Variants in THSD7B observed in about 807,000 individuals in gnomAD.
THSD7B encodes thrombospondin type 1 domain containing 7B, also known as thrombospondin type-1 domain-containing protein 7B.
THSD7B carries 138 observed loss-of-function variants against 213.6 expected under a neutral mutation model. The ratio of observed to expected loss-of-function variants is 0.65; its 90% CI spans 0.56 to 0.74. The LOEUF (loss-of-function observed/expected upper bound fraction) is 0.74. Among genes scored for constraint, THSD7B ranks in the 30% least tolerant of loss-of-function variants. The pLI is 0.00. For missense variants in THSD7B, 1,931 were observed against 1,991.5 expected (o/e 0.97, Z 0.58); for synonymous variants, 742 against 687.0 (o/e 1.08, Z -1.25).
chr2:137,650,760 T>G (rs1008698998), intron 21 of THSD7B, among the ~76,000 whole-genome samples: 4 of 152,178 alleles, frequency 2.6e-5, no homozygotes, highest in South Asian at 2.1e-4. Context: ...TTTTTCCTTC[T>G]GTATCTAATT....
At chr2:136,997,699 T>C (rs975190133) in intron 2 of THSD7B, among the ~76,000 whole-genome samples, 10 of 152,128 alleles carry the variant, frequency 6.6e-5, no homozygotes, top group African/African-American at 2.2e-4. Flanking sequence ...CCTCCAGTTA[T>C]TGGAAAGTGA....
intron 2 of THSD7B, among the ~76,000 whole-genome samples, chr2:136,910,482 GTGT>G (rs1684238342): frequency 1.3e-5 from 2 of 152,160 alleles, no homozygotes; most frequent in African/African-American, 4.8e-5. Flanking sequence ...TTTAAAAAAT[GTGT>G]TGTTTTCTAA....
At chr2:136,793,361 T>G (rs993581979) in intron 1 of THSD7B, among the ~76,000 whole-genome samples, 3 of 152,054 alleles carry the variant, frequency 2.0e-5, no homozygotes, top group African/African-American at 7.2e-5. Flanking sequence ...CATGGCTTAT[T>G]TTCCATTGGT....
rs191981256 is a variant in THSD7B at position 137,673,719 on chromosome 2, G to A, written c.4740-2805G>A. 3.4e-3 allele frequency among the ~76,000 whole-genome samples: 523 copies of A among 152,176 alleles called. 3 individuals are homozygous for A. The highest frequency in any genetic ancestry group is 5.6e-3 in the Non-Finnish European group (380 of 67,994). Reference sequence around the variant, plus strand: ...CCTCCTCCTGAGGTTCTTTTTTACTGGCCAGAAAGCCTTGCTAAGCTGCTA... The same window carrying A: ...CCTCCTCCTGAGGTTCTTTTTTACTAGCCAGAAAGCCTTGCTAAGCTGCTA... On this transcript the variant is annotated intron_variant, in intron 27 of 27. Transcript: ENST00000409968.
intron 15 of THSD7B, among the ~76,000 whole-genome samples, chr2:137,478,313 T>G (rs1439582729): frequency 6.6e-6 from 1 of 152,200 alleles, no homozygotes; most frequent in Non-Finnish European, 1.5e-5. Flanking sequence ...AAGACCTATC[T>G]TAACATTCTG....
At chr2:137,483,201 C>G (rs910051723) in intron 15 of THSD7B, among the ~76,000 whole-genome samples, 8 of 152,216 alleles carry the variant, frequency 5.3e-5, no homozygotes, top group African/African-American at 1.9e-4. Context: ...AAACTAATGA[C>G]CAGAATGTTC....
chr2:137,272,007 T>TTA lies in THSD7B; in HGVS notation c.2267-516_2267-515dup, dbSNP rs1467740714. On this transcript the variant is annotated intron_variant, in intron 10 of 27. Coordinates refer to ENST00000409968, the MANE Select transcript of THSD7B (RefSeq NM_001316349.2). ...TTACTGCCTCTTTCCTAAATTCCAATTATATATATATGGTTATAAGGTTAT... is the reference window on the plus strand; with the variant it reads ...TTACTGCCTCTTTCCTAAATTCCAATTATATATATATATGGTTATAAGGTTAT... 3.3e-5 allele frequency among the ~76,000 whole-genome samples: 5 copies of TTA among 152,144 alleles called. No individual in the cohort carries two copies. The East Asian group carries it at 5.8e-4, about 18-fold the overall frequency.
At chr2:137,226,016 T>C (rs1229682485) in intron 7 of THSD7B, among the ~76,000 whole-genome samples, 5 of 151,768 alleles carry the variant, frequency 3.3e-5, no homozygotes, top group African/African-American at 1.2e-4. Flanking sequence ...TATTTAGATT[T>C]TAAAAATGGA....
chr2:137,400,152 T>A lies in THSD7B; in HGVS notation c.2501-5461T>A, dbSNP rs763364294. Among the ~76,000 whole-genome samples the A allele has an allele frequency of 2.6e-5, 4 of 152,338 alleles. No individual in the cohort carries two copies. In the South Asian group the frequency reaches 6.2e-4, roughly 24 times the overall value. ...TGTCATTCATATCCTAAATTGCTTT[T>A]CTGATTTCTTTTGCATCTCTTGCAT... On this transcript the variant is annotated intron_variant, in intron 12 of 27. Coordinates refer to ENST00000409968, the MANE Select transcript of THSD7B (RefSeq NM_001316349.2).
At chr2:137,363,663 A>G (rs1685328787) in intron 12 of THSD7B, among the ~76,000 whole-genome samples, 1 of 152,206 alleles carries the variant, frequency 6.6e-6, no homozygotes, top group Admixed American at 6.5e-5. Flanking sequence ...TCCTCAACAC[A>G]TACACCCTCC....
intron 1 of THSD7B, among the ~76,000 whole-genome samples, chr2:136,857,566 G>A (rs1273850660): frequency 6.6e-6 from 1 of 152,140 alleles, no homozygotes; most frequent in Non-Finnish European, 1.5e-5. Flanking sequence ...CTATAGCTAT[G>A]TAAAATTTGC....
chr2:136,817,025 C>G (rs948710855), intron 1 of THSD7B, among the ~76,000 whole-genome samples: 1 of 152,160 alleles, frequency 6.6e-6, no homozygotes, highest in Non-Finnish European at 1.5e-5. Context: ...AGAGTAGATT[C>G]TAGGAGTGAA....
chr2:137,215,606 C>A (rs1237581701), intron 7 of THSD7B, among the ~76,000 whole-genome samples: 1 of 152,082 alleles, frequency 6.6e-6, no homozygotes, highest in East Asian at 1.9e-4. Flanking sequence ...AGATGACCAC[C>A]TAGTAATAGT....
chr2:137,350,571 AC>A (rs1001042626), intron 12 of THSD7B, among the ~76,000 whole-genome samples: 3 of 151,772 alleles, frequency 2.0e-5, no homozygotes, highest in African/African-American at 7.2e-5. Context: ...AAGCAATAGA[AC>A]CATTGCAGAG....
At chr2:137,001,244 A>T (rs958696936) in intron 2 of THSD7B, among the ~76,000 whole-genome samples, 1 of 152,088 alleles carries the variant, frequency 6.6e-6, no homozygotes, top group African/African-American at 2.4e-5. Context: ...TGCCCTTAAC[A>T]TCTGAGTTTT....
chr2:137,588,606 A>T (rs1233255309), intron 17 of THSD7B, among the ~76,000 whole-genome samples: 2 of 151,894 alleles, frequency 1.3e-5, no homozygotes, highest in Non-Finnish European at 2.9e-5. Context: ...AAAAAGATCC[A>T]TTGAAATCCA....
At chr2:137,424,045 A>G (rs1195239054) in intron 14 of THSD7B, among the ~76,000 whole-genome samples, 1 of 152,134 alleles carries the variant, frequency 6.6e-6, no homozygotes, top group Non-Finnish European at 1.5e-5. Flanking sequence ...CAAGGGTACT[A>G]TGACTGTTCA....
At chr2:137,176,650 C>G (rs1229026848) in intron 7 of THSD7B, among the ~76,000 whole-genome samples, 1 of 152,200 alleles carries the variant, frequency 6.6e-6, no homozygotes, top group Non-Finnish European at 1.5e-5. Flanking sequence ...GAAATTCCAG[C>G]TGATATCACC....
At chr2:136,838,586 G>A (rs969990714) in intron 1 of THSD7B, among the ~76,000 whole-genome samples, 10 of 152,090 alleles carry the variant, frequency 6.6e-5, no homozygotes, top group South Asian at 4.1e-4. Context: ...TTAATTTTTC[G>A]CTTTTACATA....
Sources: allele counts gnomAD v4.1 joint callset (sites outside exome capture counted in the v4.1 genomes callset), GRCh38; gene constraint gnomAD v4.1.1; transcripts MANE v1.5; gene names NCBI Gene and HGNC (gene_info 2026-07-23, HGNC 2026-07-21).